Variants in CAMK1D observed in about 807,000 individuals in gnomAD.
CAMK1D encodes the protein calcium/calmodulin dependent protein kinase ID.
A neutral mutation model predicts 47.7 loss-of-function variants in CAMK1D; 9 were observed. The observed-to-expected ratio is 0.19, with a 90% CI of 0.11 to 0.33. CAMK1D has a LOEUF of 0.33. CAMK1D is among the 10% of genes least tolerant of loss of function. The probability of loss-of-function intolerance (pLI) is 1.00; values close to 1 mark genes in which losing one functional copy is unlikely to be tolerated. For synonymous variants in CAMK1D, 184 were observed against 184.9 expected, an observed-to-expected ratio of 0.99 and a Z score of 0.04; for missense variants, 291 against 488.7, an observed-to-expected ratio of 0.60 and a Z score of 3.81.
Position 12,617,505 on chromosome 10 carries a change from G to C in CAMK1D, c.225-49231G>C, listed in dbSNP as rs188572205. ...TGTGGTAGGCAGATATGCAGGCTAT[G>C]ATGGCCAGAAAATAAGCGCACCCCA... On this transcript the variant is annotated intron_variant, in intron 2 of 10. Coordinates refer to ENST00000619168, the MANE Select transcript of CAMK1D (RefSeq NM_153498.4). Among the ~76,000 whole-genome samples the C allele has an allele frequency of 2.1e-3, 315 of 152,248 alleles. 6 individuals are homozygous for C. The highest frequency in any genetic ancestry group is 0.017 in the Admixed American group (262 of 15,304).
intron 2 of CAMK1D, among the ~76,000 whole-genome samples, chr10:12,579,242 C>T (rs1239380569): frequency 6.6e-6 from 1 of 152,160 alleles, no homozygotes; most frequent in Non-Finnish European, 1.5e-5. Context: ...CTTCTTGTTC[C>T]ACTTCCTGGG....
At chr10:12,696,394 G>A (rs763805395) in intron 3 of CAMK1D, among the ~76,000 whole-genome samples, 3 of 152,164 alleles carry the variant, frequency 2.0e-5, no homozygotes, top group Admixed American at 1.3e-4. Context: ...ACAATTATCC[G>A]GGCATGGTGG....
intron 1 of CAMK1D, among the ~76,000 whole-genome samples, chr10:12,452,105 G>A (rs961521749): frequency 2.6e-5 from 4 of 152,142 alleles, no homozygotes; most frequent in African/African-American, 9.7e-5. Context: ...CGATGTTTGC[G>A]GATCCCTTTG....
chr10:12,448,885 C>T (rs1370207609), intron 1 of CAMK1D, among the ~76,000 whole-genome samples: 1 of 148,146 alleles, frequency 6.8e-6, no homozygotes, highest in Non-Finnish European at 1.5e-5. Flanking sequence ...TGTAGGGCTC[C>T]GTGGTTTTGG....
At chr10:12,826,281 C>G (rs1833205596) in intron 10 of CAMK1D, 1 of 152,762 alleles carries the variant, frequency 6.5e-6, no homozygotes, top group Non-Finnish European at 1.5e-5. Flanking sequence ...TCCATCCTTC[C>G]CTCTGATTTA....
At chr10:12,770,679 A>G (rs1322069538) in intron 5 of CAMK1D, among the ~76,000 whole-genome samples, 8 of 152,090 alleles carry the variant, frequency 5.3e-5, no homozygotes, top group Non-Finnish European at 1.0e-4. Context: ...GGGGCCTGCC[A>G]TGGAGTGACA....
At chr10:12,555,150 C>G (rs1836721730) in intron 2 of CAMK1D, among the ~76,000 whole-genome samples, 1 of 152,312 alleles carries the variant, frequency 6.6e-6, no homozygotes, top group Non-Finnish European at 1.5e-5. Flanking sequence ...TGAGAACAAG[C>G]CTTCTAGGGC....
intron 1 of CAMK1D, among the ~76,000 whole-genome samples, chr10:12,527,098 A>C (rs1427185450): frequency 6.6e-6 from 1 of 152,024 alleles, no homozygotes; most frequent in Admixed American, 6.6e-5. Flanking sequence ...TTCTTTGGCC[A>C]GGTAGAAGGG....
At chr10:12,492,856 C>G (rs949600906) in intron 1 of CAMK1D, among the ~76,000 whole-genome samples, 5 of 152,168 alleles carry the variant, frequency 3.3e-5, no homozygotes, top group African/African-American at 1.2e-4. Context: ...TGCTCCTTTG[C>G]TGTAGGTGAC....
At chr10:12,533,197 A>G (rs1239505348) in intron 1 of CAMK1D, among the ~76,000 whole-genome samples, 2 of 152,210 alleles carry the variant, frequency 1.3e-5, no homozygotes, top group African/African-American at 2.4e-5. Flanking sequence ...CCATAAATAT[A>G]TACACCTACT....
intron 1 of CAMK1D, among the ~76,000 whole-genome samples, chr10:12,544,225 G>A (rs1179226194): frequency 2.0e-5 from 3 of 152,152 alleles, no homozygotes; most frequent in Admixed American, 6.5e-5. Context: ...ATTTATCACA[G>A]AGATTCCTTT....
At chr10:12,531,609 C>G (rs1835807614) in intron 1 of CAMK1D, among the ~76,000 whole-genome samples, 1 of 152,244 alleles carries the variant, frequency 6.6e-6, no homozygotes, top group African/African-American at 2.4e-5. Flanking sequence ...CAAACCACGC[C>G]TCCCATTTTG....
Position 12,769,813 on chromosome 10 carries a change from A to G in CAMK1D, c.565+14A>G, listed in dbSNP as rs200093198. Reference sequence around the variant, plus strand: ...CAGGCTATGTCGGTAAGGACAGTGCATGTGCACACATGTGCCCGTGTGTGT... The same window carrying G: ...CAGGCTATGTCGGTAAGGACAGTGCGTGTGCACACATGTGCCCGTGTGTGT... On this transcript the variant is annotated intron_variant, in intron 5 of 10. Coordinates refer to ENST00000619168, the MANE Select transcript of CAMK1D (RefSeq NM_153498.4). 8 of 1,613,596 alleles carry G rather than the reference A, an allele frequency of 5.0e-6. No homozygotes were observed. In the African/African-American group the frequency reaches 8.0e-5, roughly 16 times the overall value.
intron 6 of CAMK1D, among the ~76,000 whole-genome samples, chr10:12,809,931 T>A (rs1832531111): frequency 6.6e-6 from 1 of 151,956 alleles, no homozygotes; most frequent in African/African-American, 2.4e-5. Context: ...GCAGGTGGAT[T>A]GAGCCCAGGA....
At chr10:12,682,922 T>C (rs1382543343) in intron 3 of CAMK1D, among the ~76,000 whole-genome samples, 1 of 151,196 alleles carries the variant, frequency 6.6e-6, no homozygotes, top group African/African-American at 2.4e-5. Context: ...AGTGATTAAG[T>C]AAGATTCTTT....
At chr10:12,641,905 C>A (rs1839676761) in intron 2 of CAMK1D, among the ~76,000 whole-genome samples, 2 of 151,924 alleles carry the variant, frequency 1.3e-5, no homozygotes, top group South Asian at 4.1e-4. Flanking sequence ...ATTAGCAGGG[C>A]GTGGTGGAGG....
intron 1 of CAMK1D, among the ~76,000 whole-genome samples, chr10:12,478,450 T>C (rs1833967742): frequency 6.6e-6 from 1 of 152,084 alleles, no homozygotes; most frequent in Non-Finnish European, 1.5e-5. Flanking sequence ...TACAGACATG[T>C]ACCACCATCC....
intron 2 of CAMK1D, among the ~76,000 whole-genome samples, chr10:12,622,155 G>C (rs1839018439): frequency 6.6e-6 from 1 of 152,184 alleles, no homozygotes; most frequent in Non-Finnish European, 1.5e-5. Context: ...CACCAGGCGT[G>C]GGGGTCCCCT....
At chr10:12,521,104 T>A (rs1204797893) in intron 1 of CAMK1D, among the ~76,000 whole-genome samples, 1 of 152,228 alleles carries the variant, frequency 6.6e-6, no homozygotes, top group Non-Finnish European at 1.5e-5. Flanking sequence ...ATTGTTTTTC[T>A]GTTTTCAATT....
Sources: gnomAD v4.1 joint callset for allele counts (sites outside exome capture counted in the v4.1 genomes callset) on GRCh38, gnomAD v4.1.1 for gene constraint, MANE v1.5 for transcripts, NCBI Gene and HGNC (gene_info 2026-07-23, HGNC 2026-07-21) for gene names.